The following NMNAT1 variants were observed in gnomAD, a reference collection of about 807,000 sequenced individuals.
NMNAT1 encodes the protein nicotinamide/nicotinic acid mononucleotide adenylyltransferase 1.
In NMNAT1, 11 loss-of-function variants were observed where a neutral mutation model predicts 16.7. The observed-to-expected ratio is 0.66, with a 90% CI of 0.41 to 1.09. The LOEUF (loss-of-function observed/expected upper bound fraction) is 1.09, where lower values mean the gene tolerates loss of function less well. NMNAT1 is among the 50% of genes least tolerant of loss of function. NMNAT1 has a pLI of 0.00. For synonymous variants in NMNAT1, 110 were observed against 119.8 expected (o/e 0.92, Z 0.53); for missense variants, 280 against 332.3 (o/e 0.84, Z 1.22).
chr1:9,968,040 A>G (rs1480304417), intron 1 of NMNAT1, among the ~76,000 whole-genome samples: 2 of 150,152 alleles, frequency 1.3e-5, no homozygotes, highest in African/African-American at 4.9e-5. Flanking sequence ...AGCTATATTC[A>G]TAGCATGTTT....
In NMNAT1 at chr1:9,979,479, A is replaced by G. The variant is rs1641887857; in HGVS notation, c.300-1552A>G. Among the ~76,000 whole-genome samples the G allele has an allele frequency of 2.0e-5, 3 of 151,868 alleles. No homozygotes were observed. In the South Asian group the frequency reaches 6.2e-4, roughly 32 times the overall value. ...GCCTGTGTCTCTGAAAAACAAACCA[A>G]AAAAACCCCAAAACATTCACTCAAT... On this transcript the variant is annotated intron_variant, in intron 3 of 4. Coordinates refer to ENST00000377205, the MANE Select transcript of NMNAT1 (RefSeq NM_022787.4).
Position 9,944,508 on chromosome 1 carries a change from G to GT in NMNAT1, c.-57+1002dup, listed in dbSNP as rs199503702. Among the ~76,000 whole-genome samples the GT allele has an allele frequency of 4.4e-3, 674 of 151,568 alleles. 5 individuals carry two copies. Among genetic ancestry groups the GT allele is most frequent in the African/African-American group, 0.015 (630 of 41,354 alleles). ...ATGGTAGAATTGTTTCATCAGGGCA[G>GT]TTTTTTTTTAAGTAACAATGTCTTG... On this transcript the variant is annotated intron_variant, in intron 1 of 4. Transcript: ENST00000377205.
intron 1 of NMNAT1, among the ~76,000 whole-genome samples, chr1:9,957,493 C>G (rs1641293556): frequency 6.6e-6 from 1 of 150,688 alleles, no homozygotes; most frequent in African/African-American, 2.4e-5. Context: ...GTGGGCTTCA[C>G]CATGTTGGCC....
intron 1 of NMNAT1, among the ~76,000 whole-genome samples, chr1:9,967,221 C>T (rs988740377): frequency 6.6e-6 from 1 of 151,686 alleles, no homozygotes; most frequent in Non-Finnish European, 1.5e-5. Flanking sequence ...GAAACTAAGT[C>T]CCCCCGGCTC....
chr1:9,982,612 C>T lies in NMNAT1; in HGVS notation c.751C>T (p.His251Tyr). ...PDLVQEYIEK[H>Y]NLYSSESEDR... ...TCTTGTCCAAGAATACATTGAAAAGCATAATTTGTACAGCTCTGAGAGTGA... is the reference window on the plus strand; with the variant it reads ...TCTTGTCCAAGAATACATTGAAAAGTATAATTTGTACAGCTCTGAGAGTGA... Residue 251 changes from histidine (H) to tyrosine (Y), a missense_variant, in exon 5 of 5, where the codon CAT becomes TAT. Physicochemically the swap from His to Tyr is moderately conservative, Grantham distance 83. Coordinates refer to ENST00000377205, the MANE Select transcript of NMNAT1 (RefSeq NM_022787.4). 5 of 1,614,118 alleles carry T rather than the reference C, an allele frequency of 3.1e-6. No homozygotes were observed. Among genetic ancestry groups the T allele is most frequent in the Non-Finnish European group, 4.2e-6 (5 of 1,180,020 alleles).
chr1:9,971,058 G>C (rs1298702740), intron 1 of NMNAT1, among the ~76,000 whole-genome samples: 1 of 152,134 alleles, frequency 6.6e-6, no homozygotes, highest in East Asian at 1.9e-4. Flanking sequence ...CTGAGCAGAT[G>C]GACTGTAGTT....
Position 9,957,796 on chromosome 1 carries a change from G to T in NMNAT1, c.-56-14222G>T, listed in dbSNP as rs576027493. Among the ~76,000 whole-genome samples, 45 of 152,244 alleles carry T rather than the reference G, an allele frequency of 3.0e-4. No homozygotes were observed. In the Middle Eastern group the frequency reaches 0.01, roughly 35 times the overall value. ...CGCTTAAGTAGATTCTCAGTTTTCA[G>T]ATTTTTTTTTAGAATTAAAGTTATT... On this transcript the variant is annotated intron_variant, in intron 1 of 4. Coordinates refer to ENST00000377205, the MANE Select transcript of NMNAT1 (RefSeq NM_022787.4).
intron 1 of NMNAT1, chr1:9,947,428 G>A (rs1641004435): frequency 6.6e-6 from 1 of 152,668 alleles, no homozygotes; most frequent in African/African-American, 2.4e-5. Context: ...ACTGCTCCAT[G>A]TATATCCCTC....
chr1:9,992,954 T>C, the NMNAT1 span, among the ~76,000 whole-genome samples: 1 of 151,850 alleles, frequency 6.6e-6, no homozygotes, highest in East Asian at 1.9e-4. Context: ...CCCCTAATAG[T>C]GACTTTTGAG....
At chr1:9,996,008 C>T in the NMNAT1 span, among the ~76,000 whole-genome samples, 1 of 137,372 alleles carries the variant, frequency 7.3e-6, no homozygotes. Context: ...CAGCCCGGGG[C>T]GATAGAGTGA....
At chr1:9,962,505 A>T (rs1317380972) in intron 1 of NMNAT1, among the ~76,000 whole-genome samples, 2 of 150,612 alleles carry the variant, frequency 1.3e-5, no homozygotes, top group Admixed American at 6.7e-5. Context: ...AATAACAGCT[A>T]CCATTCATTT....
At chr1:9,989,882 G>C (rs1012623738), downstream of NMNAT1, among the ~76,000 whole-genome samples, 1 of 152,134 alleles carries the variant, frequency 6.6e-6, no homozygotes, top group African/African-American at 2.4e-5. Context: ...GGGGTTGCAG[G>C]CACCCTCACC....
At chr1:9,955,782 G>C (rs937410355) in intron 1 of NMNAT1, 1 of 152,108 alleles carries the variant, frequency 6.6e-6, no homozygotes, top group African/African-American at 2.4e-5. Context: ...ATTTGTAGTA[G>C]ATACTTAATA....
Position 9,972,010 on chromosome 1 carries a change from C to A in NMNAT1, c.-56-8C>A. ...CATAACTGAATTTATTTTCTTTTTCCTTTGTAGACAACAAGGGAGGTGTCA... is the reference window on the plus strand; with the variant it reads ...CATAACTGAATTTATTTTCTTTTTCATTTGTAGACAACAAGGGAGGTGTCA... On this transcript the variant is annotated splice_region_variant and splice_polypyrimidine_tract_variant and intron_variant, in intron 1 of 4. Transcript: ENST00000377205. 1 of 858,684 alleles carries A rather than the reference C, an allele frequency of 1.2e-6. No individual in the cohort carries two copies. The highest frequency in any genetic ancestry group is 2.0e-6 in the Non-Finnish European group (1 of 508,484). The allele number at this position is 858,684 out of a possible 1,614,324, so 53.2% of individuals were successfully genotyped here. A position where few individuals can be genotyped will look rare whatever the true frequency, so the allele number is the denominator to read the frequency against.
intron 4 of NMNAT1, among the ~76,000 whole-genome samples, chr1:9,981,938 A>T (rs1247236041): frequency 6.6e-6 from 1 of 151,492 alleles, no homozygotes; most frequent in East Asian, 1.9e-4. Flanking sequence ...ATCTCGGCTT[A>T]CTGCAACCTC....
chr1:9,972,003 C>A lies in NMNAT1; in HGVS notation c.-56-15C>A, dbSNP rs1641699730. The A allele has an allele frequency of 1.2e-6, 1 of 823,650 alleles. No individual in the cohort carries two copies. The highest frequency in any genetic ancestry group is 2.1e-6 in the Non-Finnish European group (1 of 480,174). 51.0% of individuals were successfully genotyped at this position (823,650 alleles called of 1,614,324 possible). On this transcript the variant is annotated splice_polypyrimidine_tract_variant and intron_variant, in intron 1 of 4. Coordinates refer to ENST00000377205, the MANE Select transcript of NMNAT1 (RefSeq NM_022787.4). Reference sequence around the variant, plus strand: ...AAAAATGCATAACTGAATTTATTTTCTTTTTCCTTTGTAGACAACAAGGGA... The same window carrying A: ...AAAAATGCATAACTGAATTTATTTTATTTTTCCTTTGTAGACAACAAGGGA...
At chr1:9,993,975 G>A in the NMNAT1 span, among the ~76,000 whole-genome samples, 2 of 152,056 alleles carry the variant, frequency 1.3e-5, no homozygotes, top group African/African-American at 2.4e-5. Flanking sequence ...ATATGACCTC[G>A]GGCAAGTTAG....
chr1:9,955,019 T>C (rs1363740105), intron 1 of NMNAT1, among the ~76,000 whole-genome samples: 1 of 152,026 alleles, frequency 6.6e-6, no homozygotes, highest in African/African-American at 2.4e-5. Context: ...GCACGCTGGC[T>C]CACGCCTGTA....
downstream of NMNAT1, among the ~76,000 whole-genome samples, chr1:9,989,831 CA>C (rs1225744805): frequency 6.6e-6 from 1 of 152,172 alleles, no homozygotes; most frequent in Non-Finnish European, 1.5e-5. Context: ...CTGTCCACAG[CA>C]AAGCTAAAAG....
Sources: gnomAD v4.1 joint callset for allele counts (sites outside exome capture counted in the v4.1 genomes callset) on GRCh38, gnomAD v4.1.1 for gene constraint, MANE v1.5 for transcripts, NCBI Gene and HGNC (gene_info 2026-07-23, HGNC 2026-07-21) for gene names.